CNTN1: variants seen among roughly 807,000 people sequenced by gnomAD.
The protein encoded by CNTN1 is contactin-1.
Under a neutral mutation model 126.4 loss-of-function variants are expected in CNTN1, and 38 were observed. That is an observed-to-expected ratio of 0.30 (90% confidence interval 0.23 to 0.39). The LOEUF (loss-of-function observed/expected upper bound fraction) is 0.39, where lower values mean the gene tolerates loss of function less well. Among genes scored for constraint, CNTN1 ranks in the 10% least tolerant of loss-of-function variants. The pLI, the probability that CNTN1 is intolerant of heterozygous loss-of-function variation, is 1.00. For synonymous variants in CNTN1, 413 were observed against 422.6 expected (o/e 0.98, Z 0.28); for missense variants, 1,009 against 1,248.4 (o/e 0.81, Z 2.89).
At chr12:40,877,308 A>C (rs1007743756) in intron 1 of CNTN1, among the ~76,000 whole-genome samples, 3 of 151,914 alleles carry the variant, frequency 2.0e-5, no homozygotes, top group African/African-American at 7.2e-5. Flanking sequence ...AAATGGTAGA[A>C]TCAAATAAAC....
intron 17 of CNTN1, among the ~76,000 whole-genome samples, chr12:41,004,248 G>T (rs1337773225): frequency 6.6e-6 from 1 of 152,102 alleles, no homozygotes; most frequent in Non-Finnish European, 1.5e-5. Flanking sequence ...TGATTGTATG[G>T]TGTTGAGTGA....
chr12:40,937,401 G>A (rs376226916), intron 10 of CNTN1, among the ~76,000 whole-genome samples, 169 bp from the exon 11 acceptor site: 1 of 152,144 alleles, frequency 6.6e-6, no homozygotes, highest in South Asian at 2.1e-4. Context: ...GGCATGGTAA[G>A]TGGGTTTTCC....
At chr12:40,846,619 G>A (rs1942513295) in intron 1 of CNTN1, among the ~76,000 whole-genome samples, 1 of 152,112 alleles carries the variant, frequency 6.6e-6, no homozygotes, top group Non-Finnish European at 1.5e-5. Context: ...TCAAACTAAG[G>A]AGACTTTGGG....
intron 3 of CNTN1, among the ~76,000 whole-genome samples, chr12:40,916,110 C>A (rs544816232): frequency 6.6e-6 from 1 of 152,054 alleles, no homozygotes; most frequent in African/African-American, 2.4e-5. Flanking sequence ...TTTTAGTTTT[C>A]TAAATATTTA....
chr12:40,743,657 T>C (rs1203371617), intron 1 of CNTN1, among the ~76,000 whole-genome samples: 1 of 152,284 alleles, frequency 6.6e-6, no homozygotes, highest in East Asian at 1.9e-4. Flanking sequence ...GTTTTGTTTT[T>C]TTTCTTGTAA....
intron 1 of CNTN1, among the ~76,000 whole-genome samples, chr12:40,836,079 TA>T (rs1385275352): frequency 1.0e-4 from 11 of 105,972 alleles, no homozygotes; most frequent in African/African-American, 2.4e-4. Context: ...TATATATACG[TA>T]CATATACAGG....
intron 15 of CNTN1, 69 bp from the exon 16 acceptor site, chr12:40,980,840 T>A: frequency 7.1e-7 from 1 of 1,411,342 alleles, no homozygotes; most frequent in Non-Finnish European, 1.0e-6. Context: ...GAAGACATTT[T>A]TATATTCTAA....
At chr12:40,952,954 T>C (rs1056822914) in intron 14 of CNTN1, among the ~76,000 whole-genome samples, 4 of 152,166 alleles carry the variant, frequency 2.6e-5, no homozygotes, top group African/African-American at 9.6e-5. Flanking sequence ...TGAACTTGAA[T>C]GGAACAAATT....
At chr12:40,903,295 C>T (rs551540441) in intron 1 of CNTN1, among the ~76,000 whole-genome samples, 3 of 152,232 alleles carry the variant, frequency 2.0e-5, no homozygotes, top group Non-Finnish European at 1.5e-5. Context: ...AACAGGAATG[C>T]ACCCCCAGTT....
At chr12:40,830,278 G>A (rs976737355) in intron 1 of CNTN1, among the ~76,000 whole-genome samples, 3 of 152,002 alleles carry the variant, frequency 2.0e-5, no homozygotes, top group African/African-American at 7.2e-5. Context: ...CTATCAATTG[G>A]GAGGAACCAA....
At chr12:40,975,181 TATATATATA>T (rs1566074015) in intron 15 of CNTN1, among the ~76,000 whole-genome samples, 2,912 of 126,644 alleles carry the variant, frequency 0.023, 58 homozygotes, top group East Asian at 0.035. Flanking sequence ...AAATGGATTA[TATATATATA>T]TATATATATA....
chr12:40,883,377 A>G (rs756117556), intron 1 of CNTN1, among the ~76,000 whole-genome samples: 2 of 151,570 alleles, frequency 1.3e-5, no homozygotes, highest in African/African-American at 2.4e-5. Context: ...TGTGACAGAG[A>G]AATGCAAATG....
intron 1 of CNTN1, among the ~76,000 whole-genome samples, chr12:40,893,890 T>G (rs1396359549): frequency 6.6e-6 from 1 of 152,120 alleles, no homozygotes; most frequent in Non-Finnish European, 1.5e-5. Context: ...CACTTGAATG[T>G]CTAATGGGAA....
chr12:40,913,636 A>G (rs1014338104), intron 3 of CNTN1, among the ~76,000 whole-genome samples: 1 of 152,222 alleles, frequency 6.6e-6, no homozygotes, highest in African/African-American at 2.4e-5. Flanking sequence ...CTGAAGTACA[A>G]ATCATAATTT....
At chr12:40,901,110 A>C (rs1018317305) in intron 1 of CNTN1, among the ~76,000 whole-genome samples, 11 of 152,152 alleles carry the variant, frequency 7.2e-5, no homozygotes, top group Admixed American at 6.5e-4. Flanking sequence ...TCCTGACCAA[A>C]TCTCTCACAT....
chr12:40,851,575 AT>A lies in CNTN1; in HGVS notation c.-76-56779del, dbSNP rs1283789976. Among the ~76,000 whole-genome samples the A allele has an allele frequency of 4.6e-5, 7 of 151,872 alleles. No individual in the cohort carries two copies. In the South Asian group the frequency reaches 1.5e-3, roughly 32 times the overall value. ...ATTTTTGTTAAAACAACAAAACTACATTTGTAAAGTTGTTATTCATACTTTT... is the reference window on the plus strand; with the variant it reads ...ATTTTTGTTAAAACAACAAAACTACATTGTAAAGTTGTTATTCATACTTTT... On this transcript the variant is annotated intron_variant, in intron 1 of 23. Coordinates refer to ENST00000551295, the MANE Select transcript of CNTN1 (RefSeq NM_001843.4).
chr12:41,026,657 A>T (rs191794709), intron 21 of CNTN1, among the ~76,000 whole-genome samples: 1 of 152,260 alleles, frequency 6.6e-6, no homozygotes, highest in Non-Finnish European at 1.5e-5. Flanking sequence ...AGGAGGGGGA[A>T]GTGTTCTGGG....
chr12:40,828,914 C>G lies in CNTN1; in HGVS notation c.-76-79443C>G, dbSNP rs1420557895. Among the ~76,000 whole-genome samples, 4 of 152,136 alleles carry G rather than the reference C, an allele frequency of 2.6e-5. No individual in the cohort carries two copies. The East Asian group carries it at 7.7e-4, about 29-fold the overall frequency. ...TTTCCCTCTTGTTAAGAATGCCTTA[C>G]TCCAAAATGTATGGATAGATGACGT... On this transcript the variant is annotated intron_variant, in intron 1 of 23. Coordinates refer to ENST00000551295, the MANE Select transcript of CNTN1 (RefSeq NM_001843.4).
intron 1 of CNTN1, among the ~76,000 whole-genome samples, chr12:40,817,224 T>G (rs1327378015): frequency 2.6e-5 from 4 of 152,206 alleles, no homozygotes; most frequent in Non-Finnish European, 4.4e-5. Context: ...CTCTCATTGA[T>G]CTGCCTAATG....
Sources: gnomAD v4.1 joint callset for allele counts (sites outside exome capture counted in the v4.1 genomes callset) on GRCh38, gnomAD v4.1.1 for gene constraint, MANE v1.5 for transcripts, NCBI Gene and HGNC (gene_info 2026-07-23, HGNC 2026-07-21) for gene names.